Variants in CNNM2 observed in about 807,000 individuals in gnomAD.
CNNM2 encodes the protein cyclin and CBS domain divalent metal cation transport mediator 2.
CNNM2 carries 12 observed loss-of-function variants against 66.9 expected under a neutral mutation model. The observed-to-expected ratio is 0.18, with a 90% CI of 0.11 to 0.29. The LOEUF (loss-of-function observed/expected upper bound fraction) is 0.29, where lower values mean the gene tolerates loss of function less well. CNNM2 is among the 10% of genes least tolerant of loss of function. CNNM2 has a pLI of 1.00. For synonymous variants in CNNM2, 557 were observed against 501.8 expected (o/e 1.11, Z -1.47); for missense variants, 705 against 1,167.7 (o/e 0.60, Z 5.77).
intron 1 of CNNM2, among the ~76,000 whole-genome samples, chr10:102,952,791 A>G (rs1846889875): frequency 6.6e-6 from 1 of 152,148 alleles, no homozygotes; most frequent in Non-Finnish European, 1.5e-5. Context: ...TGTGTTACGT[A>G]GGTCTCTTAA....
intron 1 of CNNM2, among the ~76,000 whole-genome samples, chr10:103,004,285 A>C (rs1291655273): frequency 6.6e-6 from 1 of 152,178 alleles, no homozygotes; most frequent in Non-Finnish European, 1.5e-5. Flanking sequence ...TACAGGCGTG[A>C]GCCACCATGC....
At chr10:102,958,541 G>T (rs1372219352) in intron 1 of CNNM2, among the ~76,000 whole-genome samples, 2 of 128,802 alleles carry the variant, frequency 1.6e-5, no homozygotes, top group Admixed American at 9.6e-5. Flanking sequence ...CGTGATCTTG[G>T]CTTGCTGCAA....
chr10:103,024,713 C>G (rs997621503), intron 1 of CNNM2, among the ~76,000 whole-genome samples: 1 of 151,990 alleles, frequency 6.6e-6, no homozygotes, highest in African/African-American at 2.4e-5. Context: ...CTCCTGACCT[C>G]GTGATCGACC....
intron 1 of CNNM2, among the ~76,000 whole-genome samples, chr10:103,031,029 T>C (rs2064810699): frequency 6.6e-6 from 1 of 152,002 alleles, no homozygotes; most frequent in Non-Finnish European, 1.5e-5. Flanking sequence ...GATGGTGGAG[T>C]ATGTAGATTT....
At chr10:102,965,893 G>A (rs932395131) in intron 1 of CNNM2, among the ~76,000 whole-genome samples, 1 of 151,908 alleles carries the variant, frequency 6.6e-6, no homozygotes, top group Admixed American at 6.6e-5. Flanking sequence ...TTCTGTTTCA[G>A]GTAAAAATGG....
chr10:102,960,838 C>T (rs973453232), intron 1 of CNNM2, among the ~76,000 whole-genome samples: 6 of 135,896 alleles, frequency 4.4e-5, no homozygotes, highest in African/African-American at 1.1e-4. Flanking sequence ...CCAGGTGGAG[C>T]GCAGTGGCAT....
chr10:103,026,226 C>T (rs1360412704), intron 1 of CNNM2, among the ~76,000 whole-genome samples: 5 of 152,248 alleles, frequency 3.3e-5, no homozygotes, highest in South Asian at 2.1e-4. Flanking sequence ...AGACAGTGTC[C>T]GTAGAAACAA....
chr10:103,036,643 T>C (rs1011897785), intron 1 of CNNM2, among the ~76,000 whole-genome samples: 16 of 152,356 alleles, frequency 1.1e-4, no homozygotes, highest in Non-Finnish European at 2.2e-4. Context: ...TACAACTACC[T>C]GCTGTATACC....
In CNNM2 at chr10:102,982,785, G is replaced by A. The variant is rs2063737771; in HGVS notation, c.1621+62684G>A. 3.3e-5 allele frequency among the ~76,000 whole-genome samples: 5 copies of A among 152,320 alleles called. No individual in the cohort carries two copies. The South Asian group carries it at 1.0e-3, about 32-fold the overall frequency. ...CGATACTCATTGTTATTTCAGAGGA[G>A]TGGTTGAAGAATACATTTTTAAACT... On this transcript the variant is annotated intron_variant, in intron 1 of 7. Coordinates refer to ENST00000369878, the MANE Select transcript of CNNM2 (RefSeq NM_017649.5).
intron 1 of CNNM2, among the ~76,000 whole-genome samples, chr10:102,981,587 T>C (rs1293770834): frequency 2.0e-5 from 3 of 151,696 alleles, no homozygotes; most frequent in Non-Finnish European, 4.4e-5. Flanking sequence ...TAAGTCAAGG[T>C]TCGCCATGTT....
At chr10:103,049,434 C>T (rs1325417016) in intron 1 of CNNM2, among the ~76,000 whole-genome samples, 1 of 152,166 alleles carries the variant, frequency 6.6e-6, no homozygotes, top group Non-Finnish European at 1.5e-5. Context: ...CGAAAGGTTA[C>T]GCAACAAGAG....
chr10:103,062,891 G>GA (rs1489286302), intron 4 of CNNM2, among the ~76,000 whole-genome samples: 3 of 152,220 alleles, frequency 2.0e-5, no homozygotes, highest in African/African-American at 7.2e-5. Context: ...ATGTGCAGAG[G>GA]ATTCACCTGT....
At chr10:103,075,194 G>C (rs776655056) in intron 6 of CNNM2, among the ~76,000 whole-genome samples, 1 of 152,230 alleles carries the variant, frequency 6.6e-6, no homozygotes, top group Non-Finnish European at 1.5e-5. Context: ...GCAAAGAGGA[G>C]CCAAGCGTCA....
At chr10:103,012,877 G>C (rs1158953830) in intron 1 of CNNM2, among the ~76,000 whole-genome samples, 1 of 152,100 alleles carries the variant, frequency 6.6e-6, no homozygotes, top group Non-Finnish European at 1.5e-5. Context: ...CAAATCTTTG[G>C]AGAGAAAGTT....
chr10:102,949,473 C>T (rs369375934), intron 1 of CNNM2, among the ~76,000 whole-genome samples: 3 of 151,420 alleles, frequency 2.0e-5, no homozygotes, highest in African/African-American at 7.3e-5. Flanking sequence ...CCACACCTGG[C>T]GGTAGTAGTG....
intron 1 of CNNM2, among the ~76,000 whole-genome samples, chr10:103,029,866 A>C (rs1447235508): frequency 4.4e-5 from 5 of 114,192 alleles, no homozygotes; most frequent in Admixed American, 3.5e-4. Context: ...ACTCCGTCTC[A>C]AAAAAAAAAA....
intron 1 of CNNM2, among the ~76,000 whole-genome samples, chr10:102,923,629 A>T (rs1026310647): frequency 2.0e-5 from 3 of 152,216 alleles, no homozygotes; most frequent in African/African-American, 7.2e-5. Context: ...TTAAACATAT[A>T]TATGGCTTTA....
chr10:103,069,304 C>T (rs929886990), intron 5 of CNNM2, among the ~76,000 whole-genome samples: 2 of 151,968 alleles, frequency 1.3e-5, no homozygotes, highest in Non-Finnish European at 2.9e-5. Flanking sequence ...TTTGGGTGAA[C>T]GTGTGTGTCC....
At chr10:102,973,869 T>G (rs2063585316) in intron 1 of CNNM2, among the ~76,000 whole-genome samples, 1 of 148,792 alleles carries the variant, frequency 6.7e-6, no homozygotes, top group African/African-American at 2.4e-5. Context: ...TATTGAATCC[T>G]TATGCGGGAT....
Sources: allele counts gnomAD v4.1 joint callset (sites outside exome capture counted in the v4.1 genomes callset), GRCh38; gene constraint gnomAD v4.1.1; transcripts MANE v1.5; gene names NCBI Gene and HGNC (gene_info 2026-07-23, HGNC 2026-07-21).